ARHGAP5: variants seen among roughly 807,000 people sequenced by gnomAD.
ARHGAP5 encodes the protein rho GTPase-activating protein 5.
A neutral mutation model predicts 116.6 loss-of-function variants in ARHGAP5; 23 were observed. The observed-to-expected ratio is 0.20, with a 90% CI of 0.14 to 0.28. The LOEUF is 0.28. Ranked by LOEUF, ARHGAP5 falls within the 10% of genes least tolerant of loss-of-function variation. The pLI is 1.00. For missense variants in ARHGAP5, 1,405 were observed against 1,774.8 expected (o/e 0.79, Z 3.74); for synonymous variants, 574 against 602.0 (o/e 0.95, Z 0.68).
At chr14:32,121,776 C>T (rs1441646142) in intron 3 of ARHGAP5, among the ~76,000 whole-genome samples, 3 of 152,230 alleles carry the variant, frequency 2.0e-5, no homozygotes, top group Non-Finnish European at 4.4e-5. Context: ...ACCCCCCCAT[C>T]AACTTTCTGC....
intron 2 of ARHGAP5, among the ~76,000 whole-genome samples, chr14:32,108,027 C>T (rs1362328252): frequency 6.6e-6 from 1 of 152,034 alleles, no homozygotes; most frequent in African/African-American, 2.4e-5. Flanking sequence ...GCTAACAGAT[C>T]AAGTGTTTAG....
At chr14:32,147,576 C>A (rs1221129488) in intron 4 of ARHGAP5, among the ~76,000 whole-genome samples, 1 of 152,130 alleles carries the variant, frequency 6.6e-6, no homozygotes, top group Non-Finnish European at 1.5e-5. Flanking sequence ...TAGAGAAATT[C>A]CACTTCTAGG....
At chr14:32,147,611 A>G (rs1254792989) in intron 4 of ARHGAP5, among the ~76,000 whole-genome samples, 4 of 152,194 alleles carry the variant, frequency 2.6e-5, no homozygotes, top group African/African-American at 9.6e-5. Context: ...GTCTTTGCAT[A>G]AGCATGCCAA....
chr14:32,113,921 C>T (rs1182743564), intron 2 of ARHGAP5, among the ~76,000 whole-genome samples: 2 of 152,134 alleles, frequency 1.3e-5, no homozygotes, highest in African/African-American at 4.8e-5. Context: ...TAGGCATTGC[C>T]ATTTTCATTA....
chr14:32,105,718 C>G (rs1217808801), intron 2 of ARHGAP5, among the ~76,000 whole-genome samples: 1 of 152,150 alleles, frequency 6.6e-6, no homozygotes, highest in Non-Finnish European at 1.5e-5. Flanking sequence ...AGATGTAAAA[C>G]AGTTCCATCC....
rs940945736 is a variant in ARHGAP5 at position 32,154,480 on chromosome 14, T to A, written c.4182-141T>A. On this transcript the variant is annotated intron_variant, in intron 6 of 6. Coordinates refer to ENST00000345122, the MANE Select transcript of ARHGAP5 (RefSeq NM_001030055.2). ...AAGTTTTTTACATACGAATTAAAGA[T>A]GCTTCTTTATGCAAATTTTTAAACC... The A allele has an allele frequency of 2.6e-5, 20 of 758,494 alleles. No homozygotes were observed. In the African/African-American group the frequency reaches 3.2e-4, roughly 12 times the overall value. 47.0% of individuals were successfully genotyped at this position (758,494 alleles called of 1,614,324 possible).
rs764892871 is a variant in ARHGAP5, at chr14:32,093,815, C to T, written c.3146C>T (p.Thr1049Ile). The T allele has an allele frequency of 6.2e-7, 1 of 1,613,418 alleles. No individual in the cohort carries two copies. The highest frequency in any genetic ancestry group is 1.1e-5 in the South Asian group (1 of 90,952). The part of the protein sequence containing the change: ...PIKPKPVVPK[T>I]NVKKLDPNLL... ...AAACCTAAACCAGTTGTACCTAAGA[C>T]AAATGTGAAAAAACTCGATCCAAAC... The change falls in exon 2 of 7, where the codon ACA becomes ATA. Residue 1049 changes from threonine to isoleucine, a missense_variant. Physicochemically the swap from Thr to Ile is moderately conservative, Grantham distance 89. Coordinates refer to ENST00000345122, the MANE Select transcript of ARHGAP5 (RefSeq NM_001030055.2).
At chr14:32,128,873 C>G (rs2383282) in intron 3 of ARHGAP5, among the ~76,000 whole-genome samples, 20 of 152,304 alleles carry the variant, frequency 1.3e-4, no homozygotes, top group Non-Finnish European at 2.1e-4. Flanking sequence ...ATGCTACTGA[C>G]CTCATAGGAG....
rs1158977644 is a variant in ARHGAP5, at chr14:32,157,150, A to G, written c.*2202A>G. The G allele has an allele frequency of 2.6e-5, 4 of 152,212 alleles. No homozygotes were observed. The highest frequency in any genetic ancestry group is 3.8e-4 in the East Asian group (2 of 5,208). The allele number at this position is 152,212 out of a possible 1,614,324, so 9.4% of individuals were successfully genotyped here. A position where few individuals can be genotyped will look rare whatever the true frequency, so the allele number is the denominator to read the frequency against. On this transcript the variant is annotated 3_prime_UTR_variant, in exon 7 of 7. Transcript: ENST00000345122. ...ACACTTCATAGTGAGTCATTTAAAT[A>G]CTCTACGTTTGGTTCAATTAACCAG...
At chr14:32,079,804 T>G (rs1380786014) in intron 1 of ARHGAP5, among the ~76,000 whole-genome samples, 1 of 152,192 alleles carries the variant, frequency 6.6e-6, no homozygotes, top group Non-Finnish European at 1.5e-5. Flanking sequence ...AACTGTAGTT[T>G]CCATAGATAC....
chr14:32,079,255 C>T (rs1414007956), intron 1 of ARHGAP5, among the ~76,000 whole-genome samples: 2 of 152,136 alleles, frequency 1.3e-5, no homozygotes, highest in African/African-American at 4.8e-5. Flanking sequence ...AAACCTAGAT[C>T]AACATGTCTT....
At chr14:32,145,015 T>G (rs1253521095) in intron 3 of ARHGAP5, among the ~76,000 whole-genome samples, 1 of 152,244 alleles carries the variant, frequency 6.6e-6, no homozygotes, top group East Asian at 1.9e-4. Context: ...TATTATTGTA[T>G]CTCATAGACA....
At chr14:32,140,115 CTTT>C (rs376976211) in intron 3 of ARHGAP5, among the ~76,000 whole-genome samples, 3 of 25,422 alleles carry the variant, frequency 1.2e-4, no homozygotes, top group African/African-American at 4.8e-4. Context: ...TTTTTTTTTC[CTTT>C]TTTTTTTTTT....
rs1881849542 is a variant in ARHGAP5 at position 32,155,401 on chromosome 14, T to C, written c.*453T>C. The stretch of plus-strand genomic sequence containing the variant: ...TTTACATTCTGGCAGTCGGTGTAGA[T>C]AACTAAAAGCCCAGTTAAGTATTTT... On this transcript the variant is annotated 3_prime_UTR_variant, in exon 7 of 7. Transcript: ENST00000345122. 6.5e-6 allele frequency: 1 copy of C among 154,430 alleles called. No individual in the cohort carries two copies. Among genetic ancestry groups the C allele is most frequent in the Non-Finnish European group, 1.4e-5 (1 of 69,160 alleles). 9.6% of individuals were successfully genotyped at this position (154,430 alleles called of 1,614,324 possible).
intron 2 of ARHGAP5, among the ~76,000 whole-genome samples, chr14:32,096,421 A>G (rs977241825): frequency 4.6e-5 from 7 of 152,214 alleles, no homozygotes; most frequent in African/African-American, 1.2e-4. Flanking sequence ...TGAAAAGACT[A>G]AAAAATAGAA....
intron 2 of ARHGAP5, among the ~76,000 whole-genome samples, chr14:32,100,505 A>G (rs1354575336): frequency 6.6e-6 from 1 of 152,218 alleles, no homozygotes; most frequent in African/African-American, 2.4e-5. Context: ...GCTTGATAAT[A>G]CAAATTTAAA....
chr14:32,078,860 A>G (rs1299538712), intron 1 of ARHGAP5, among the ~76,000 whole-genome samples: 1 of 152,222 alleles, frequency 6.6e-6, no homozygotes, highest in Non-Finnish European at 1.5e-5. Context: ...TTTGTACTGT[A>G]ATACGATAAA....
chr14:32,097,017 A>G (rs1412845837), intron 2 of ARHGAP5, among the ~76,000 whole-genome samples: 4 of 152,188 alleles, frequency 2.6e-5, no homozygotes, highest in African/African-American at 9.6e-5. Flanking sequence ...GCAAAACCTG[A>G]CTTGAATGGA....
chr14:32,140,370 A>C (rs1360242797), intron 3 of ARHGAP5, among the ~76,000 whole-genome samples: 2 of 151,896 alleles, frequency 1.3e-5, no homozygotes, highest in African/African-American at 4.8e-5. Flanking sequence ...TCACGAGGTC[A>C]GGAGATCAAG....
Sources: gnomAD v4.1 joint callset for allele counts (sites outside exome capture counted in the v4.1 genomes callset) on GRCh38, gnomAD v4.1.1 for gene constraint, MANE v1.5 for transcripts, NCBI Gene and HGNC (gene_info 2026-07-23, HGNC 2026-07-21) for gene names.